COL12A1: variants seen among roughly 807,000 people sequenced by gnomAD.
The protein encoded by COL12A1 is collagen alpha-1(XII) chain.
Under a neutral mutation model 349.7 loss-of-function variants are expected in COL12A1, and 114 were observed. The ratio of observed to expected loss-of-function variants is 0.33; its 90% CI spans 0.28 to 0.38. The LOEUF (loss-of-function observed/expected upper bound fraction) is 0.38. COL12A1 is among the 10% of genes least tolerant of loss of function. The pLI is 1.00. For synonymous variants in COL12A1, 1,369 were observed against 1,329.0 expected, an observed-to-expected ratio of 1.03 and a Z score of -0.66; for missense variants, 3,284 against 3,756.9, an observed-to-expected ratio of 0.87 and a Z score of 3.29.
chr6:75,116,005 G>A lies in COL12A1; in HGVS notation c.7558+14C>T, dbSNP rs757506461. 2 of 1,613,376 alleles carry A rather than the reference G, an allele frequency of 1.2e-6. No individual in the cohort carries two copies. Among genetic ancestry groups the A allele is most frequent in the East Asian group, 2.2e-5 (1 of 44,842 alleles). On this transcript the variant is annotated intron_variant, in intron 48 of 65. Transcript: ENST00000322507. The stretch of plus-strand genomic sequence containing the variant: ...AATCTGGAAATTAATTTGCCCCAAA[G>A]TATAAATGCTTACCTGGTGAGGTGT...
At chr6:75,121,105 A>G (rs1769336614) in intron 44 of COL12A1, among the ~76,000 whole-genome samples, 197 bp downstream of exon 44, 1 of 152,240 alleles carries the variant, frequency 6.6e-6, no homozygotes, top group Admixed American at 6.5e-5. Flanking sequence ...AAAGATAAAA[A>G]CTAAGGGAAC....
chr6:75,164,421 G>A (rs1768179364), intron 14 of COL12A1, among the ~76,000 whole-genome samples: 2 of 152,026 alleles, frequency 1.3e-5, no homozygotes, highest in African/African-American at 4.8e-5. Flanking sequence ...CTTTTTTATA[G>A]AAGGAAATGC....
chr6:75,130,680 T>C (rs1457617219), intron 36 of COL12A1, among the ~76,000 whole-genome samples, 172 bp downstream of exon 36: 1 of 152,078 alleles, frequency 6.6e-6, no homozygotes, highest in East Asian at 1.9e-4. Context: ...GAAGTTCACG[T>C]CACACAAACA....
chr6:75,176,756 CTT>C (rs1768980549), intron 12 of COL12A1, among the ~76,000 whole-genome samples: 1 of 152,142 alleles, frequency 6.6e-6, no homozygotes. Context: ...ATGAAAAGCT[CTT>C]TGTACAGAAC....
In COL12A1 at chr6:75,177,945, A is replaced by T. The variant is rs776163819; in HGVS notation, c.2165-10T>A. 6.3e-7 allele frequency: 1 copy of T among 1,580,886 alleles called. No individual in the cohort carries two copies. The highest frequency in any genetic ancestry group is 1.2e-5 in the South Asian group (1 of 84,446). On this transcript the variant is annotated splice_polypyrimidine_tract_variant and intron_variant, in intron 11 of 65. Coordinates refer to ENST00000322507, the MANE Select transcript of COL12A1 (RefSeq NM_004370.6). ...CGAGGTGCTCCTTTTACTGAAATAA[A>T]AAAGGAAAAATAGATTTTAAACCAT...
At chr6:75,102,130 G>T in intron 56 of COL12A1, 78 bp from the exon 57 acceptor site, 1 of 1,358,204 alleles carries the variant, frequency 7.4e-7, no homozygotes, top group South Asian at 1.2e-5. Context: ...AGTCACTTAT[G>T]AAATCTTCAT....
Position 75,188,796 on chromosome 6 carries a change from C to T in COL12A1, c.824-261G>A, listed in dbSNP as rs547483900. Among the ~76,000 whole-genome samples the T allele has an allele frequency of 1.1e-4, 16 of 152,252 alleles. No individual in the cohort carries two copies. In the East Asian group the frequency reaches 2.9e-3, roughly 28 times the overall value. ...AGAGTGGGCTTTCATCCCAACCATACCATCGTATGTCTTTGCCATCTGTAA... is the reference window on the plus strand; with the variant it reads ...AGAGTGGGCTTTCATCCCAACCATATCATCGTATGTCTTTGCCATCTGTAA... On this transcript the variant is annotated intron_variant, in intron 7 of 65. Coordinates refer to ENST00000322507, the MANE Select transcript of COL12A1 (RefSeq NM_004370.6).
chr6:75,096,814 T>C (rs1468643636), intron 59 of COL12A1, among the ~76,000 whole-genome samples: 1 of 140,488 alleles, frequency 7.1e-6, no homozygotes, highest in Non-Finnish European at 1.5e-5. Flanking sequence ...GAGAATGGCG[T>C]GAACCCGGGA....
At chr6:75,157,019 G>A (rs1767801426) in intron 14 of COL12A1, among the ~76,000 whole-genome samples, 1 of 152,128 alleles carries the variant, frequency 6.6e-6, no homozygotes, top group Non-Finnish European at 1.5e-5. Context: ...CTCAGACTAT[G>A]AGCACAAAAG....
rs561970734 is a variant in COL12A1, at chr6:75,188,603, G to A, written c.824-68C>T. 1.2e-4 allele frequency: 187 copies of A among 1,514,156 alleles called. No homozygotes were observed. The African/African-American group carries it at 1.5e-3, about 12-fold the overall frequency. The allele number at this position is 1,514,156 out of a possible 1,614,324, so 93.8% of individuals were successfully genotyped here. ...GCCAACTGACTTGGAGAAGTTCTTC[G>A]TTTTCTCCATCTTTCACAACTGAAG... is the stretch of plus-strand genomic sequence containing the variant. On this transcript the variant is annotated intron_variant, in intron 7 of 65. Coordinates refer to ENST00000322507, the MANE Select transcript of COL12A1 (RefSeq NM_004370.6).
chr6:75,153,747 C>T (rs952916031), intron 17 of COL12A1, among the ~76,000 whole-genome samples: 6 of 152,202 alleles, frequency 3.9e-5, no homozygotes, highest in South Asian at 2.1e-4. Flanking sequence ...CCACCACCTC[C>T]GTCTCTAAGA....
At position 75,101,586 on chromosome 6, in the gene COL12A1, T is replaced by C; in HGVS notation, c.8523+14A>G. ...CATTTCCAACATCATTGTAGCCTGC[T>C]CAAGAAAACTTACTCTGTCTCCTGG... is the stretch of plus-strand genomic sequence containing the variant. On this transcript the variant is annotated intron_variant, in intron 58 of 65. Transcript: ENST00000322507. The C allele has an allele frequency of 1.9e-6, 3 of 1,611,902 alleles. No homozygotes were observed. The highest frequency in any genetic ancestry group is 1.7e-5 in the Admixed American group (1 of 59,580).
At position 75,101,659 on chromosome 6, in the gene COL12A1, C is replaced by A. The variant is rs898067507; in HGVS notation, c.8470-6G>T. 1 of 1,612,652 alleles carries A rather than the reference C, an allele frequency of 6.2e-7. No individual in the cohort carries two copies. Among genetic ancestry groups the A allele is most frequent in the African/African-American group, 1.3e-5 (1 of 74,798 alleles). On this transcript the variant is annotated splice_polypyrimidine_tract_variant and splice_region_variant and intron_variant, in intron 57 of 65. Coordinates refer to ENST00000322507, the MANE Select transcript of COL12A1 (RefSeq NM_004370.6). ...CCAGGTAATCCTGGGGTTCCCTGCA[C>A]AGAAGGAAACAAACAAGTGAAACAT... is the stretch of plus-strand genomic sequence containing the variant.
At chr6:75,187,795 T>C (rs564646402) in intron 8 of COL12A1, among the ~76,000 whole-genome samples, 2 of 152,276 alleles carry the variant, frequency 1.3e-5, no homozygotes, top group South Asian at 4.1e-4. Context: ...AGGATGCTTT[T>C]GAAATGTCTT....
chr6:75,136,321 T>C (rs1417925001), intron 31 of COL12A1, among the ~76,000 whole-genome samples: 1 of 152,202 alleles, frequency 6.6e-6, no homozygotes. Flanking sequence ...TATAATCTAT[T>C]TACCTAAAAC....
Position 75,165,625 on chromosome 6 carries a change from T to C in COL12A1, c.2865A>G (p.Glu955=). ...TTTCTATCATCGTATGAATTGCATC[T>C]TCAGGCAGATTTTTCTCTCCAGTGT... ...DVDTGEKNLP[E]DAIHTMIENL... Residue 955 remains glutamate, a synonymous_variant, in exon 14 of 66, where the codon GAA becomes GAG. Transcript: ENST00000322507. 1 of 1,614,008 alleles carries C rather than the reference T, an allele frequency of 6.2e-7. No individual in the cohort carries two copies. Among genetic ancestry groups the C allele is most frequent in the Non-Finnish European group, 8.5e-7 (1 of 1,179,918 alleles).
chr6:75,130,147 C>T lies in COL12A1; in HGVS notation c.6154G>A (p.Val2052Ile). 6.2e-7 allele frequency: 1 copy of T among 1,614,096 alleles called. No individual in the cohort carries two copies. The highest frequency in any genetic ancestry group is 2.2e-5 in the East Asian group (1 of 44,880). The change falls in exon 37 of 66, where the codon GTT becomes ATT. Residue 2052 changes from valine (V) to isoleucine (I), a missense_variant. This residue lies in a region of COL12A1 where 2,601 missense variants were observed against 2,824.8 expected (regional missense o/e 0.92). Coordinates refer to ENST00000322507, the MANE Select transcript of COL12A1 (RefSeq NM_004370.6). ...SVAWDHADGP[V>I]QQYRIIYSPT... ...GAATAGATGATCCTGTACTGCTGAA[C>T]TGGCCCATCAGCATGATCCCAGGCT...
At chr6:75,144,921 G>A (rs1412493267) in intron 25 of COL12A1, among the ~76,000 whole-genome samples, 1 of 152,142 alleles carries the variant, frequency 6.6e-6, no homozygotes, top group Non-Finnish European at 1.5e-5. Context: ...TAAACCCAAT[G>A]TCTTCCTCCA....
At chr6:75,140,382 C>G (rs1007727698) in intron 27 of COL12A1, among the ~76,000 whole-genome samples, 9 of 152,308 alleles carry the variant, frequency 5.9e-5, no homozygotes, top group African/African-American at 2.2e-4. Context: ...TATGGCCAGG[C>G]ACTGTGGCTC....
Sources: allele counts gnomAD v4.1 joint callset (sites outside exome capture counted in the v4.1 genomes callset), GRCh38; gene constraint gnomAD v4.1.1; regional missense constraint gnomAD v4.1.1; transcripts MANE v1.5; gene names NCBI Gene and HGNC (gene_info 2026-07-23, HGNC 2026-07-21).